The following ADAMTS6 variants were observed in gnomAD, a reference collection of about 807,000 sequenced individuals.
ADAMTS6 encodes the protein A disintegrin and metalloproteinase with thrombospondin motifs 6.
ADAMTS6 carries 23 observed loss-of-function variants against 144.3 expected under a neutral mutation model. The ratio of observed to expected loss-of-function variants is 0.16; its 90% confidence interval spans 0.11 to 0.23. ADAMTS6 has a LOEUF of 0.23. Among genes scored for constraint, ADAMTS6 ranks in the 10% least tolerant of loss-of-function variants. The pLI, the probability that ADAMTS6 is intolerant of heterozygous loss-of-function variation, is 1.00. For synonymous variants in ADAMTS6, 444 were observed against 457.5 expected (o/e 0.97, Z 0.38); for missense variants, 999 against 1,379.6 (o/e 0.72, Z 4.37).
intron 7 of ADAMTS6, among the ~76,000 whole-genome samples, chr5:65,400,668 A>C (rs1488255687): frequency 6.6e-6 from 1 of 151,564 alleles, no homozygotes; most frequent in Non-Finnish European, 1.5e-5. Flanking sequence ...GCTTTCTGGT[A>C]CTCTCATTGC....
intron 10 of ADAMTS6, among the ~76,000 whole-genome samples, chr5:65,291,817 T>A (rs910104945): frequency 6.6e-6 from 1 of 152,070 alleles, no homozygotes; most frequent in East Asian, 1.9e-4. Flanking sequence ...CATCTGGTAG[T>A]AGAATTAAAA....
At chr5:65,256,421 G>A (rs987750437) in intron 14 of ADAMTS6, 2 of 152,162 alleles carry the variant, frequency 1.3e-5, no homozygotes, top group African/African-American at 4.8e-5. Context: ...AACTTGGATA[G>A]CATGAAAATA....
At chr5:65,390,394 G>C (rs1385646572) in intron 7 of ADAMTS6, among the ~76,000 whole-genome samples, 1 of 152,088 alleles carries the variant, frequency 6.6e-6, no homozygotes, top group Non-Finnish European at 1.5e-5. Flanking sequence ...TCCGTGAGCT[G>C]GTAAAAACTA....
At chr5:65,348,408 G>A (rs1196048016) in intron 7 of ADAMTS6, among the ~76,000 whole-genome samples, 1 of 152,134 alleles carries the variant, frequency 6.6e-6, no homozygotes, top group Non-Finnish European at 1.5e-5. Context: ...GCCAGGCACA[G>A]AGGGACAAAT....
At chr5:65,243,484 G>A (rs1221843672) in intron 14 of ADAMTS6, among the ~76,000 whole-genome samples, 4 of 152,160 alleles carry the variant, frequency 2.6e-5, no homozygotes, top group Admixed American at 6.5e-5. Flanking sequence ...ACTCTGTTAT[G>A]AGCCCTGCAT....
intron 7 of ADAMTS6, among the ~76,000 whole-genome samples, chr5:65,348,495 C>T (rs1455768590): frequency 6.6e-6 from 1 of 151,938 alleles, no homozygotes; most frequent in Non-Finnish European, 1.5e-5. Context: ...TTACCACAGG[C>T]TAGGGATGGG....
intron 15 of ADAMTS6, among the ~76,000 whole-genome samples, chr5:65,238,551 GA>G (rs1415909320): frequency 6.6e-6 from 1 of 151,204 alleles, no homozygotes; most frequent in Non-Finnish European, 1.5e-5. Context: ...AGTGAGCCGA[GA>G]TTGCGCCACT....
chr5:65,337,742 A>G (rs1370667702), intron 7 of ADAMTS6, among the ~76,000 whole-genome samples: 2 of 152,022 alleles, frequency 1.3e-5, no homozygotes, highest in Non-Finnish European at 2.9e-5. Context: ...TTTACTTTGC[A>G]TCATATTCAC....
At chr5:65,269,508 T>C (rs1488798111) in intron 12 of ADAMTS6, among the ~76,000 whole-genome samples, 1 of 152,146 alleles carries the variant, frequency 6.6e-6, no homozygotes, top group African/African-American at 2.4e-5. Context: ...CCCGTGACAA[T>C]GAAAAATTGC....
chr5:65,473,510 AT>A lies in ADAMTS6; in HGVS notation c.97+66del, dbSNP rs1760627029. On this transcript the variant is annotated intron_variant, in intron 2 of 24. Coordinates refer to ENST00000381055, the MANE Select transcript of ADAMTS6 (RefSeq NM_197941.4). Reference sequence around the variant, plus strand: ...AAAAAACTATCCACCCAAACTAAATATGCAGAATCTTTTCTTGTCCAATTAA... The same window carrying A: ...AAAAAACTATCCACCCAAACTAAATAGCAGAATCTTTTCTTGTCCAATTAA... The A allele has an allele frequency of 8.7e-6, 12 of 1,384,672 alleles. No homozygotes were observed. In the South Asian group the frequency reaches 1.3e-4, roughly 15 times the overall value. 85.8% of individuals were successfully genotyped at this position (1,384,672 alleles called of 1,614,324 possible).
chr5:65,420,469 C>A (rs1580666869), intron 7 of ADAMTS6, among the ~76,000 whole-genome samples: 1 of 152,108 alleles, frequency 6.6e-6, no homozygotes, highest in Non-Finnish European at 1.5e-5. Context: ...GCAACCTCCG[C>A]CCCCTGGGTT....
chr5:65,377,377 A>G (rs1472407215), intron 7 of ADAMTS6, among the ~76,000 whole-genome samples: 1 of 152,176 alleles, frequency 6.6e-6, no homozygotes, highest in Non-Finnish European at 1.5e-5. Flanking sequence ...ATTCTTGAAT[A>G]AAAAGTTAGG....
intron 4 of ADAMTS6, among the ~76,000 whole-genome samples, chr5:65,453,181 A>G (rs1015130136): frequency 5.3e-5 from 8 of 152,328 alleles, no homozygotes; most frequent in Admixed American, 3.3e-4. Context: ...ATTTTCAAAT[A>G]GTCATTTCAT....
chr5:65,424,119 T>C (rs942233641), intron 7 of ADAMTS6, among the ~76,000 whole-genome samples: 1 of 152,206 alleles, frequency 6.6e-6, no homozygotes, highest in Admixed American at 6.5e-5. Flanking sequence ...CGACTACTTT[T>C]TCTTTTCTTT....
At chr5:65,396,850 T>A (rs1387413130) in intron 7 of ADAMTS6, among the ~76,000 whole-genome samples, 2 of 152,232 alleles carry the variant, frequency 1.3e-5, no homozygotes, top group African/African-American at 4.8e-5. Context: ...GATGCTGGCA[T>A]CATAGGATGG....
At position 65,461,933 on chromosome 5, in the gene ADAMTS6, T is replaced by C. The variant is rs1759666049; in HGVS notation, c.463-1595A>G. Among the ~76,000 whole-genome samples the C allele has an allele frequency of 3.3e-5, 5 of 152,308 alleles. No individual in the cohort carries two copies. The South Asian group carries it at 1.0e-3, about 32-fold the overall frequency. On this transcript the variant is annotated intron_variant, in intron 3 of 24. Coordinates refer to ENST00000381055, the MANE Select transcript of ADAMTS6 (RefSeq NM_197941.4). Reference sequence around the variant, plus strand: ...GAAATTCATGTTAAGTACCTCATGCTTGGAAGGAATGATAAGACATAATCA... The same window carrying C: ...GAAATTCATGTTAAGTACCTCATGCCTGGAAGGAATGATAAGACATAATCA...
intron 15 of ADAMTS6, among the ~76,000 whole-genome samples, chr5:65,229,377 C>T (rs1757965662): frequency 6.6e-6 from 1 of 152,118 alleles, no homozygotes; most frequent in Non-Finnish European, 1.5e-5. Context: ...GACAGCAACA[C>T]AGTACTTCAA....
rs542501763 is a variant in ADAMTS6 at position 65,201,784 on chromosome 5, C to G, written c.2576-4633G>C. On this transcript the variant is annotated intron_variant, in intron 20 of 24. Coordinates refer to ENST00000381055, the MANE Select transcript of ADAMTS6 (RefSeq NM_197941.4). ...AGAGAAGGAGGTAACATTAAAAAGT[C>G]AGAGCTTGTACTAAAAATGTGTCTG... 5.8e-4 allele frequency among the ~76,000 whole-genome samples: 88 copies of G among 152,254 alleles called. 1 individual carries two copies. In the South Asian group the frequency reaches 0.018, roughly 31 times the overall value.
At position 65,425,511 on chromosome 5, in the gene ADAMTS6, A is replaced by G. The variant is rs73111169; in HGVS notation, c.1073+25964T>C. ...TTGAAACCCAGTGTTATTTTTGACT[A>G]CTCCCTCTTGGCTTTCACGTAGAAT... On this transcript the variant is annotated intron_variant, in intron 7 of 24. Coordinates refer to ENST00000381055, the MANE Select transcript of ADAMTS6 (RefSeq NM_197941.4). Among the ~76,000 whole-genome samples the G allele has an allele frequency of 3.2e-3, 478 of 151,536 alleles. 3 individuals are homozygous for G. The highest frequency in any genetic ancestry group is 0.011 in the African/African-American group (453 of 41,256).
Sources: gnomAD v4.1 joint callset for allele counts (sites outside exome capture counted in the v4.1 genomes callset) on GRCh38, gnomAD v4.1.1 for gene constraint, MANE v1.5 for transcripts, NCBI Gene and HGNC (gene_info 2026-07-23, HGNC 2026-07-21) for gene names.